The following TRPM1 variants were observed in gnomAD, a reference collection of about 807,000 sequenced individuals.
TRPM1 encodes TRPM1-203 APA Isoform, Intron 10.
In TRPM1, 113 loss-of-function variants were observed where a neutral mutation model predicts 149.4. That is an observed-to-expected ratio of 0.76 (90% CI 0.65 to 0.88). The LOEUF is 0.88. Among genes scored for constraint, TRPM1 ranks in the 40% least tolerant of loss-of-function variants. The pLI, the probability that TRPM1 is intolerant of heterozygous loss-of-function variation, is 0.00. For synonymous variants in TRPM1, 741 were observed against 759.5 expected (o/e 0.98, Z 0.40); for missense variants, 1,976 against 2,038.7 (o/e 0.97, Z 0.59).
intron 7 of TRPM1, among the ~76,000 whole-genome samples, chr15:31,063,523 T>C (rs1162062961): frequency 6.6e-6 from 1 of 152,148 alleles, no homozygotes; most frequent in Non-Finnish European, 1.5e-5. Flanking sequence ...AGTGGCATGA[T>C]CATGGCTCAC....
At chr15:31,041,062 G>A (rs555513200) in intron 17 of TRPM1, among the ~76,000 whole-genome samples, 2 of 152,268 alleles carry the variant, frequency 1.3e-5, no homozygotes, top group East Asian at 1.9e-4. Context: ...GGAGAAGGTG[G>A]CACAAGCTGA....
intron 2 of TRPM1, 70 bp from the exon 3 acceptor site, chr15:31,077,054 C>T: frequency 9.6e-7 from 1 of 1,044,352 alleles, no homozygotes; most frequent in South Asian, 1.3e-5. Context: ...CATTCTTATA[C>T]CTTTATAAAA....
Position 31,028,644 on chromosome 15 carries a change from C to T in TRPM1, c.3149-168G>A, listed in dbSNP as rs893306602. Among the ~76,000 whole-genome samples the T allele has an allele frequency of 9.2e-5, 14 of 151,674 alleles. No individual in the cohort carries two copies. In the East Asian group the frequency reaches 2.1e-3, roughly 23 times the overall value. On this transcript the variant is annotated intron_variant, in intron 24 of 27. Transcript: ENST00000256552. ...AATAAACTCTGTAGCCCCAGCTACT[C>T]GGGAGTCTGAGGCAGGAGAATGGCG...
At chr15:31,036,641 C>T (rs914900612) in intron 20 of TRPM1, among the ~76,000 whole-genome samples, 1 of 152,186 alleles carries the variant, frequency 6.6e-6, no homozygotes, top group Non-Finnish European at 1.5e-5. Context: ...GGGGTGAGAC[C>T]CAAGGCTGAG....
intron 22 of TRPM1, chr15:31,031,399 T>A: frequency 1.7e-6 from 1 of 580,206 alleles, no homozygotes. Context: ...TTCTTGCTTC[T>A]TCTCTGTTGT....
chr15:31,116,459 T>G (rs1486860372), intron 1 of TRPM1, among the ~76,000 whole-genome samples: 1 of 152,000 alleles, frequency 6.6e-6, no homozygotes, highest in Non-Finnish European at 1.5e-5. Context: ...AATACAAGAA[T>G]TAGCTGGGTG....
intron 21 of TRPM1, among the ~76,000 whole-genome samples, chr15:31,035,268 G>A (rs2033306464): frequency 6.6e-6 from 1 of 152,022 alleles, no homozygotes; most frequent in African/African-American, 2.4e-5. Context: ...AGCCTCCCTA[G>A]TAGCTGGCAT....
In TRPM1 at chr15:31,070,051, C is replaced by T. The variant is rs370238006; in HGVS notation, c.259G>A (p.Gly87Arg). 6.3e-5 allele frequency: 102 copies of T among 1,614,140 alleles called. No homozygotes were observed. In the African/African-American group the frequency reaches 8.0e-4, roughly 13 times the overall value. ...SYGVLEFQGG[G>R]YSNKAMYIRV... Reference sequence around the variant, plus strand: ...CTCACCATGGCTTTATTGGAATATCCGCCACCCTGGAATTCAAGAACTCCA... The same window carrying T: ...CTCACCATGGCTTTATTGGAATATCTGCCACCCTGGAATTCAAGAACTCCA... Residue 87 changes from glycine to arginine, a missense_variant, in exon 4 of 28, where the codon GGA (glycine) becomes AGA (arginine). Coordinates refer to ENST00000256552, the MANE Select transcript of TRPM1 (RefSeq NM_001252024.2).
At chr15:31,149,605 C>T (rs1048913749) in intron 1 of TRPM1, among the ~76,000 whole-genome samples, 3 of 151,206 alleles carry the variant, frequency 2.0e-5, no homozygotes, top group Non-Finnish European at 4.4e-5. Flanking sequence ...CTGCAAGCTC[C>T]GCCTCCCGGG....
chr15:31,008,775 A>G (rs1480367440), intron 27 of TRPM1, among the ~76,000 whole-genome samples: 2 of 152,214 alleles, frequency 1.3e-5, no homozygotes, highest in Non-Finnish European at 2.9e-5. Flanking sequence ...CACAGTATAC[A>G]TAGCATCAGT....
chr15:31,142,403 A>G (rs901553454), intron 1 of TRPM1, among the ~76,000 whole-genome samples: 2 of 152,218 alleles, frequency 1.3e-5, no homozygotes, highest in Admixed American at 6.5e-5. Context: ...ATCTGCTCTT[A>G]GTAAATTATT....
At chr15:31,052,519 A>T (rs2140943515) in intron 11 of TRPM1, among the ~76,000 whole-genome samples, 1 of 152,358 alleles carries the variant, frequency 6.6e-6, no homozygotes, top group Non-Finnish European at 1.5e-5. Flanking sequence ...TCACGTCTGT[A>T]ATCCCAGCAC....
At chr15:31,024,445 A>G (rs185935824) in intron 27 of TRPM1, among the ~76,000 whole-genome samples, 2 of 152,300 alleles carry the variant, frequency 1.3e-5, no homozygotes, top group Admixed American at 6.5e-5. Context: ...CAGCCTGACA[A>G]GGCCAAGGGA....
chr15:31,081,716 G>A (rs956300164), intron 1 of TRPM1, among the ~76,000 whole-genome samples: 9 of 152,238 alleles, frequency 5.9e-5, no homozygotes, highest in Middle Eastern at 3.4e-3. Flanking sequence ...TGTGCCTCCA[G>A]GAGGGCCTGG....
At chr15:31,008,765 C>G (rs1036620925) in intron 27 of TRPM1, among the ~76,000 whole-genome samples, 3 of 152,148 alleles carry the variant, frequency 2.0e-5, no homozygotes, top group African/African-American at 7.2e-5. Context: ...AGCAACATTT[C>G]ACAGTATACA....
intron 1 of TRPM1, among the ~76,000 whole-genome samples, chr15:31,109,182 T>C (rs1440439459): frequency 1.4e-5 from 2 of 147,808 alleles, no homozygotes; most frequent in African/African-American, 2.5e-5. Flanking sequence ...GAAAGGGGAG[T>C]AATGGGCCAC....
At chr15:31,072,105 T>G (rs1390733972) in intron 3 of TRPM1, among the ~76,000 whole-genome samples, 2 of 150,376 alleles carry the variant, frequency 1.3e-5, no homozygotes, top group Admixed American at 6.6e-5. Flanking sequence ...CAGTTAATTT[T>G]CGAACATTTT....
At chr15:31,080,131 G>T (rs4779503) in intron 2 of TRPM1, among the ~76,000 whole-genome samples, 114 of 152,034 alleles carry the variant, frequency 7.5e-4, no homozygotes, top group Non-Finnish European at 5.6e-4. Flanking sequence ...CTTTCTTCCA[G>T]TGGAAAGTCC....
intron 1 of TRPM1, among the ~76,000 whole-genome samples, chr15:31,148,666 C>G (rs1362569013): frequency 6.6e-6 from 1 of 152,176 alleles, no homozygotes; most frequent in Non-Finnish European, 1.5e-5. Context: ...ATTTCAGCAG[C>G]CTGTCATCTG....
Sources: gnomAD v4.1 joint callset for allele counts (sites outside exome capture counted in the v4.1 genomes callset) on GRCh38, gnomAD v4.1.1 for gene constraint, MANE v1.5 for transcripts, NCBI Gene and HGNC (gene_info 2026-07-23, HGNC 2026-07-21) for gene names.